Variants in ARID2 observed in about 807,000 individuals in gnomAD.
ARID2 encodes AT-rich interactive domain-containing protein 2.
A neutral mutation model predicts 184.6 loss-of-function variants in ARID2; 32 were observed. That is an observed-to-expected ratio of 0.17 (90% CI 0.13 to 0.23). ARID2 has a LOEUF of 0.23. Ranked by LOEUF, ARID2 falls within the 10% of genes least tolerant of loss-of-function variation. The pLI, the probability that ARID2 is intolerant of heterozygous loss-of-function variation, is 1.00. For synonymous variants in ARID2, 836 were observed against 772.6 expected, an observed-to-expected ratio of 1.08 and a Z score of -1.36; for missense variants, 1,696 against 2,197.6, an observed-to-expected ratio of 0.77 and a Z score of 4.56.
At chr12:45,782,505 G>C (rs997152401) in intron 3 of ARID2, among the ~76,000 whole-genome samples, 44 of 152,148 alleles carry the variant, frequency 2.9e-4, no homozygotes, top group Non-Finnish European at 4.1e-4. Context: ...GTTGTCAGAT[G>C]CCTGCAACCC....
chr12:45,887,249 A>T (rs1038827789), intron 16 of ARID2, among the ~76,000 whole-genome samples: 39 of 152,094 alleles, frequency 2.6e-4, no homozygotes, highest in East Asian at 3.8e-4. Flanking sequence ...GTAACTGAAA[A>T]ATATATATAT....
At chr12:45,901,929 C>T (rs1405008372) in intron 20 of ARID2, among the ~76,000 whole-genome samples, 3 of 152,132 alleles carry the variant, frequency 2.0e-5, no homozygotes, top group African/African-American at 4.8e-5. Context: ...CCACCTGCCT[C>T]GGCCTCCCAA....
intron 16 of ARID2, among the ~76,000 whole-genome samples, chr12:45,867,802 G>A (rs1246156078): frequency 6.6e-6 from 1 of 151,200 alleles, no homozygotes; most frequent in Non-Finnish European, 1.5e-5. Context: ...TGTTGCCTAA[G>A]CTGGTCTTGA....
intron 16 of ARID2, among the ~76,000 whole-genome samples, chr12:45,872,516 G>T (rs183976045): frequency 6.6e-6 from 1 of 152,218 alleles, no homozygotes; most frequent in Non-Finnish European, 1.5e-5. Context: ...TGGCTGGGAA[G>T]GCCTCAGGAA....
intron 3 of ARID2, among the ~76,000 whole-genome samples, chr12:45,801,651 T>C (rs957338528): frequency 6.6e-6 from 1 of 152,294 alleles, no homozygotes; most frequent in East Asian, 1.9e-4. Context: ...AATTTAATTA[T>C]TAAGACATAT....
chr12:45,777,749 G>T (rs1023443273), intron 3 of ARID2, among the ~76,000 whole-genome samples: 1 of 149,602 alleles, frequency 6.7e-6, no homozygotes, highest in Non-Finnish European at 1.5e-5. Flanking sequence ...TAGATTATAG[G>T]GACTAAGTAC....
At chr12:45,903,820 C>T (rs1227133071) in intron 20 of ARID2, among the ~76,000 whole-genome samples, 2 of 151,748 alleles carry the variant, frequency 1.3e-5, no homozygotes, top group African/African-American at 2.4e-5. Context: ...AATGAAGGCA[C>T]CAAGGTTCCT....
intron 3 of ARID2, chr12:45,775,945 G>T: frequency 6.3e-6 from 1 of 157,994 alleles, no homozygotes. Context: ...AAATCCGGTG[G>T]TACCATATTT....
chr12:45,744,807 A>C (rs948439447), intron 3 of ARID2, among the ~76,000 whole-genome samples: 5 of 152,228 alleles, frequency 3.3e-5, no homozygotes, highest in Non-Finnish European at 5.9e-5. Flanking sequence ...GCGTGAATCC[A>C]TTTAAATTCA....
intron 3 of ARID2, among the ~76,000 whole-genome samples, chr12:45,791,169 G>T (rs1207214601): frequency 6.6e-6 from 1 of 151,630 alleles, no homozygotes; most frequent in Non-Finnish European, 1.5e-5. Flanking sequence ...GTGCACAAGG[G>T]TTCCAGTTTC....
At chr12:45,853,621 T>G (rs1020578270) in intron 15 of ARID2, among the ~76,000 whole-genome samples, 3 of 152,200 alleles carry the variant, frequency 2.0e-5, no homozygotes, top group African/African-American at 7.2e-5. Flanking sequence ...TCTTATATGC[T>G]CTTTCCACTG....
chr12:45,862,585 G>A (rs1448213125), intron 16 of ARID2, among the ~76,000 whole-genome samples: 1 of 152,150 alleles, frequency 6.6e-6, no homozygotes, highest in Admixed American at 6.5e-5. Context: ...GTGCACTCCT[G>A]TAGCCCCAGC....
At position 45,785,354 on chromosome 12, in the gene ARID2, A is replaced by G. The variant is rs187595329; in HGVS notation, c.285-26064A>G. On this transcript the variant is annotated intron_variant, in intron 3 of 20. Transcript: ENST00000334344. ...TGTTTAATAATTGGTAACTAATATC[A>G]TCATCATCATCTTTCATTATATTAA... Among the ~76,000 whole-genome samples, 403 of 152,302 alleles carry G rather than the reference A, an allele frequency of 2.6e-3. 1 individual carries two copies. The highest frequency in any genetic ancestry group is 4.8e-3 in the Non-Finnish European group (326 of 68,020).
At position 45,851,958 on chromosome 12, in the gene ARID2, A is replaced by G. The variant is rs2138174942; in HGVS notation, c.3835A>G (p.Ser1279Gly). 1.2e-6 allele frequency: 2 copies of G among 1,613,802 alleles called. No individual in the cohort carries two copies. Among genetic ancestry groups the G allele is most frequent in the Non-Finnish European group, 1.7e-6 (2 of 1,179,870 alleles). ...PSCRRGATNT[S>G]NGDTKENEMH... ...CTGCCGACGAGGAGCCACAAACACC[A>G]GCAATGGGGATACAAAGGAAAATGA... The change falls in exon 15 of 21, where the codon AGC (serine) becomes GGC (glycine). Residue 1279 changes from serine to glycine, a missense_variant. Coordinates refer to ENST00000334344, the MANE Select transcript of ARID2 (RefSeq NM_152641.4).
chr12:45,890,050 C>G (rs1198679253), intron 16 of ARID2, among the ~76,000 whole-genome samples: 1 of 152,112 alleles, frequency 6.6e-6, no homozygotes, highest in Admixed American at 6.5e-5. Context: ...TAGAACTTTA[C>G]CTTGAACCAC....
At chr12:45,835,397 GT>G (rs1488402696) in intron 6 of ARID2, among the ~76,000 whole-genome samples, 3 of 151,554 alleles carry the variant, frequency 2.0e-5, no homozygotes, top group Non-Finnish European at 2.9e-5. Flanking sequence ...ACCAAACATT[GT>G]TTGTCATAGA....
intron 11 of ARID2, among the ~76,000 whole-genome samples, chr12:45,843,886 G>A (rs1161923043): frequency 6.6e-6 from 1 of 152,088 alleles, no homozygotes; most frequent in Non-Finnish European, 1.5e-5. Flanking sequence ...CTTAGAAAAA[G>A]TCCAATGTTG....
At position 45,860,897 on chromosome 12, in the gene ARID2, C is replaced by G. The variant is rs777441257; in HGVS notation, c.4870C>G (p.Pro1624Ala). ...PFSGSSQPGD[P>A]MRKPGQNFMC... ...CAGTGGATCCAGTCAGCCTGGAGATCCAATGAGAAAACCTGGACAGAACTT... is the reference window on the plus strand; with the variant it reads ...CAGTGGATCCAGTCAGCCTGGAGATGCAATGAGAAAACCTGGACAGAACTT... The change falls in exon 16 of 21, where the codon CCA becomes GCA. Residue 1624 changes from proline to alanine, a missense_variant. By Grantham distance (27) the Pro-to-Ala change is conservative. This residue lies in a region of ARID2 where 111 missense variants were observed against 154.0 expected (regional missense o/e 0.72). Transcript: ENST00000334344. 5.0e-6 allele frequency: 8 copies of G among 1,602,894 alleles called. No homozygotes were observed. The South Asian group carries it at 7.9e-5, about 16-fold the overall frequency.
intron 3 of ARID2, among the ~76,000 whole-genome samples, chr12:45,781,934 A>G (rs1055052318): frequency 2.0e-5 from 3 of 152,208 alleles, no homozygotes; most frequent in Admixed American, 2.0e-4. Context: ...TTTGTGGGCC[A>G]GTTGTGGGAG....
Sources: allele counts gnomAD v4.1 joint callset (sites outside exome capture counted in the v4.1 genomes callset), GRCh38; gene constraint gnomAD v4.1.1; regional missense constraint gnomAD v4.1.1; transcripts MANE v1.5; gene names NCBI Gene and HGNC (gene_info 2026-07-23, HGNC 2026-07-21).